The following MCF2L2 variants were observed in gnomAD, a reference collection of about 807,000 sequenced individuals.
The protein encoded by MCF2L2 is MCF.2 cell line derived transforming sequence-like 2, also known as probable guanine nucleotide exchange factor MCF2L2.
MCF2L2 carries 102 observed loss-of-function variants against 150.2 expected under a neutral mutation model. That is an observed-to-expected ratio of 0.68 (90% CI 0.58 to 0.80). MCF2L2 has a LOEUF of 0.80. Ranked by LOEUF, MCF2L2 falls within the 30% of genes least tolerant of loss-of-function variation. MCF2L2 has a pLI of 0.00. For missense variants in MCF2L2, 1,256 were observed against 1,372.8 expected (o/e 0.91, Z 1.34); for synonymous variants, 465 against 491.3 (o/e 0.95, Z 0.71).
At chr3:183,296,911 G>C in intron 12 of MCF2L2, 65 bp downstream of exon 12, 1 of 1,515,438 alleles carries the variant, frequency 6.6e-7, no homozygotes, top group Non-Finnish European at 9.0e-7. Flanking sequence ...TCAGGAAGAA[G>C]GTACAGTCCC....
intron 27 of MCF2L2, among the ~76,000 whole-genome samples, chr3:183,191,272 C>T (rs1721881990): frequency 2.7e-5 from 1 of 36,944 alleles, no homozygotes; most frequent in African/African-American, 9.6e-5. Context: ...CATGCATGGC[C>T]TCCCTATCAC....
At chr3:183,379,683 T>C (rs1230560488) in intron 2 of MCF2L2, among the ~76,000 whole-genome samples, 1 of 152,324 alleles carries the variant, frequency 6.6e-6, no homozygotes, top group South Asian at 2.1e-4. Flanking sequence ...ATAGGTAGAA[T>C]AGTAAATAAT....
At chr3:183,286,102 G>A (rs377140271) in intron 14 of MCF2L2, among the ~76,000 whole-genome samples, 1 of 152,112 alleles carries the variant, frequency 6.6e-6, no homozygotes, top group South Asian at 2.1e-4. Context: ...GTCAAGTTTA[G>A]CTTCTCAAGC....
rs748348137 is a variant in MCF2L2 at position 183,223,436 on chromosome 3, T to A, written c.2211A>T (p.Val737=). The A allele has an allele frequency of 2.5e-6, 4 of 1,612,814 alleles. No homozygotes were observed. In the Admixed American group the frequency reaches 6.7e-5, roughly 27 times the overall value. ...GATTGTGATCCAGTTGGCGCTGGCATACCTTTAAAAGCCAAATAGAAACAA... is the reference window on the plus strand; with the variant it reads ...GATTGTGATCCAGTTGGCGCTGGCAAACCTTTAAAAGCCAAATAGAAACAA... ...QECQDCAYFG[V]CQRQLDHNLP... is the part of the protein sequence containing the mutation. Residue 737 remains valine, a splice_region_variant and synonymous_variant, in exon 20 of 30, where the codon GTA becomes GTT. Coordinates refer to ENST00000328913, the MANE Select transcript of MCF2L2 (RefSeq NM_015078.4).
At chr3:183,391,359 A>G (rs991068281) in intron 1 of MCF2L2, among the ~76,000 whole-genome samples, 2 of 151,980 alleles carry the variant, frequency 1.3e-5, no homozygotes, top group African/African-American at 4.8e-5. Flanking sequence ...GTTTTGGGTA[A>G]AGGGGATAAA....
In MCF2L2 at chr3:183,353,920, C is replaced by CT. The variant is rs913500794; in HGVS notation, c.276-12291dup. On this transcript the variant is annotated intron_variant, in intron 3 of 29. Transcript: ENST00000328913. ...TTTCAGATTCCATCCTCTCACCACA[C>CT]TTTTTTTTTAATAGGAAGAGGAGTA... 4.2e-3 allele frequency among the ~76,000 whole-genome samples: 637 copies of CT among 151,544 alleles called. 1 individual carries two copies. The highest frequency in any genetic ancestry group is 0.015 in the African/African-American group (601 of 41,320).
intron 1 of MCF2L2, among the ~76,000 whole-genome samples, chr3:183,396,158 A>C (rs1035808719): frequency 1.3e-5 from 2 of 151,834 alleles, no homozygotes; most frequent in African/African-American, 2.4e-5. Flanking sequence ...CTACTCTTTT[A>C]ACGCTGCTCA....
intron 3 of MCF2L2, among the ~76,000 whole-genome samples, chr3:183,364,065 C>T (rs1712373170): frequency 6.6e-6 from 1 of 152,092 alleles, no homozygotes; most frequent in Admixed American, 6.6e-5. Context: ...GAAAACACTA[C>T]ATATCAGAAT....
intron 3 of MCF2L2, among the ~76,000 whole-genome samples, chr3:183,369,884 T>C (rs6778110): frequency 0.32 from 48,259 of 152,098 alleles, 11,736 homozygotes; most frequent in African/African-American, 0.68. Context: ...CTACTCTACA[T>C]CCAAAGTTTG....
intron 25 of MCF2L2, among the ~76,000 whole-genome samples, chr3:183,203,724 A>T (rs1355341348): frequency 2.0e-5 from 3 of 152,254 alleles, no homozygotes; most frequent in African/African-American, 7.2e-5. Flanking sequence ...ATTAATCTAT[A>T]CCTTCAAGAA....
intron 2 of MCF2L2, among the ~76,000 whole-genome samples, chr3:183,381,226 A>C (rs1480168784): frequency 1.3e-5 from 2 of 152,224 alleles, no homozygotes; most frequent in Non-Finnish European, 2.9e-5. Flanking sequence ...TGAGACACAC[A>C]TATCAGTGTG....
intron 1 of MCF2L2, among the ~76,000 whole-genome samples, chr3:183,406,878 C>G (rs898388951): frequency 4.6e-5 from 7 of 152,146 alleles, no homozygotes; most frequent in Non-Finnish European, 8.8e-5. Flanking sequence ...GTCAACGTTA[C>G]CAAAATCTAA....
chr3:183,310,912 T>C lies in MCF2L2; in HGVS notation c.993+3A>G, dbSNP rs755074247. The C allele has an allele frequency of 1.9e-6, 3 of 1,604,532 alleles. No homozygotes were observed. In the Admixed American group the frequency reaches 5.0e-5, roughly 27 times the overall value. ...AAAGTTACAGTAAACAAGAAAAGAA[T>C]ACCTTACAAAAATCGTGCTCAAAAT... is the stretch of plus-strand genomic sequence containing the variant. On this transcript the variant is annotated splice_donor_region_variant and intron_variant, in intron 9 of 29. Coordinates refer to ENST00000328913, the MANE Select transcript of MCF2L2 (RefSeq NM_015078.4).
At chr3:183,284,437 C>T (rs952128951) in intron 14 of MCF2L2, among the ~76,000 whole-genome samples, 12 of 152,184 alleles carry the variant, frequency 7.9e-5, no homozygotes, top group African/African-American at 2.7e-4. Flanking sequence ...TGTGGTGACT[C>T]ACGCCTGTAA....
intron 25 of MCF2L2, among the ~76,000 whole-genome samples, chr3:183,198,006 T>C: frequency 6.6e-6 from 1 of 152,216 alleles, no homozygotes; most frequent in Admixed American, 6.5e-5. Context: ...TATAATCACT[T>C]TGGAAACTAT....
In MCF2L2 at chr3:183,311,706, T is replaced by C. The variant is rs1402746696; in HGVS notation, c.820A>G (p.Lys274Glu). 6.2e-7 allele frequency: 1 copy of C among 1,614,060 alleles called. No homozygotes were observed. The stretch of plus-strand genomic sequence containing the variant: ...AGATTGAGTTTGCTGTTGGGACATT[T>C]GGTTGCTGGTTCTTGGATGCATGAC... ...LLSCIQEPAT[K>E]CPNSKLNLNQ... is the part of the protein sequence containing the mutation. The change falls in exon 8 of 30, where the codon AAA becomes GAA. Residue 274 changes from lysine (K) to glutamate (E), a missense_variant. Coordinates refer to ENST00000328913, the MANE Select transcript of MCF2L2 (RefSeq NM_015078.4).
intron 11 of MCF2L2, chr3:183,297,760 C>A: frequency 6.5e-6 from 1 of 153,948 alleles, no homozygotes; most frequent in South Asian, 2.0e-4. Context: ...CTCCTGGGCT[C>A]AAGCAATCCT....
chr3:183,292,236 T>C (rs1164892953), intron 13 of MCF2L2, among the ~76,000 whole-genome samples: 5 of 152,076 alleles, frequency 3.3e-5, no homozygotes, highest in South Asian at 2.1e-4. Flanking sequence ...CCCACAATTT[T>C]CATATAAACA....
At chr3:183,393,223 C>T (rs11720740) in intron 1 of MCF2L2, among the ~76,000 whole-genome samples, 37,724 of 142,208 alleles carry the variant, frequency 0.27, 5,748 homozygotes, top group Non-Finnish European at 0.36. Flanking sequence ...GGTGGAGTTT[C>T]GCTCTTGTTG....
Sources: gnomAD v4.1 joint callset for allele counts (sites outside exome capture counted in the v4.1 genomes callset) on GRCh38, gnomAD v4.1.1 for gene constraint, MANE v1.5 for transcripts, NCBI Gene and HGNC (gene_info 2026-07-23, HGNC 2026-07-21) for gene names.